LMOD1: variants seen among roughly 807,000 people sequenced by gnomAD.
The protein encoded by LMOD1 is leiomodin-1.
Under a neutral mutation model 36.5 loss-of-function variants are expected in LMOD1, and 8 were observed. The observed-to-expected ratio is 0.22, with a 90% CI of 0.13 to 0.40. The LOEUF (loss-of-function observed/expected upper bound fraction) is 0.40, where lower values mean the gene tolerates loss of function less well. Among genes scored for constraint, LMOD1 ranks in the 10% least tolerant of loss-of-function variants. The pLI is 1.00. For synonymous variants in LMOD1, 284 were observed against 288.7 expected, an observed-to-expected ratio of 0.98 and a Z score of 0.17; for missense variants, 630 against 751.1, an observed-to-expected ratio of 0.84 and a Z score of 1.88.
At chr1:201,938,798 C>CCGA (rs1314007874) in intron 1 of LMOD1, among the ~76,000 whole-genome samples, 1 of 152,148 alleles carries the variant, frequency 6.6e-6, no homozygotes, top group East Asian at 1.9e-4. Flanking sequence ...AAACAGCATC[C>CCGA]CGACAACCCG....
intron 1 of LMOD1, among the ~76,000 whole-genome samples, chr1:201,920,029 G>A (rs1042701122): frequency 3.0e-5 from 4 of 133,736 alleles, no homozygotes; most frequent in South Asian, 2.5e-4. Context: ...ATCTCCACCC[G>A]CCACTGGCTC....
intron 1 of LMOD1, among the ~76,000 whole-genome samples, chr1:201,921,575 C>T (rs545203746): frequency 4.0e-5 from 6 of 149,508 alleles, no homozygotes; most frequent in South Asian, 2.1e-4. Flanking sequence ...TTGGTGTATA[C>T]GTAGCAATGA....
At chr1:201,930,256 T>A (rs938393078) in intron 1 of LMOD1, among the ~76,000 whole-genome samples, 1 of 152,074 alleles carries the variant, frequency 6.6e-6, no homozygotes, top group Non-Finnish European at 1.5e-5. Context: ...AGGTCAACTG[T>A]GGGGAGGATG....
chr1:201,942,803 T>A (rs1366475390), intron 1 of LMOD1, among the ~76,000 whole-genome samples: 1 of 152,096 alleles, frequency 6.6e-6, no homozygotes, highest in Non-Finnish European at 1.5e-5. Context: ...GCCAATCTTG[T>A]TTCATCTATA....
intron 1 of LMOD1, among the ~76,000 whole-genome samples, chr1:201,929,380 C>G (rs901479422): frequency 1.3e-5 from 2 of 152,040 alleles, no homozygotes; most frequent in African/African-American, 4.8e-5. Context: ...CCACGCCTGG[C>G]AAGTGGAATT....
Position 201,946,220 on chromosome 1 carries a change from G to A in LMOD1, c.121C>T (p.Pro41Ser), listed in dbSNP as rs1427146755. The change falls in exon 1 of 3, where the codon CCA becomes TCA. Residue 41 changes from proline to serine, a missense_variant. Pro to Ser is a moderately conservative substitution (Grantham distance 74). Transcript: ENST00000367288. ...AGCCCCACGGGAACACTCCCGTCTG[G>A]GTCCACCACGTCCAGCTCCTTCTCC... ...ELEKELDVVD[P>S]DGSVPVGLRQ... The A allele has an allele frequency of 1.2e-6, 2 of 1,613,860 alleles. No homozygotes were observed. Among genetic ancestry groups the A allele is most frequent in the African/African-American group, 1.3e-5 (1 of 74,912 alleles).
chr1:201,913,386 A>G (rs1451327934), intron 1 of LMOD1, among the ~76,000 whole-genome samples: 1 of 152,138 alleles, frequency 6.6e-6, no homozygotes, highest in Non-Finnish European at 1.5e-5. Context: ...CGGGTGGATC[A>G]CTTGAGGTCA....
At chr1:201,927,604 A>C (rs1041126214) in intron 1 of LMOD1, among the ~76,000 whole-genome samples, 3 of 151,676 alleles carry the variant, frequency 2.0e-5, no homozygotes, top group African/African-American at 7.3e-5. Context: ...AAAAAAAAGA[A>C]GAATTTGTTA....
At chr1:201,944,993 A>G (rs1017509398) in intron 1 of LMOD1, among the ~76,000 whole-genome samples, 2 of 152,350 alleles carry the variant, frequency 1.3e-5, no homozygotes, top group Middle Eastern at 3.4e-3. Flanking sequence ...CCATAGAAGT[A>G]AAACAAAAAG....
intron 1 of LMOD1, among the ~76,000 whole-genome samples, chr1:201,913,305 C>T (rs1178032142): frequency 1.3e-5 from 2 of 152,294 alleles, no homozygotes; most frequent in South Asian, 2.1e-4. Flanking sequence ...TGGATCACCA[C>T]TCAGAAAGTG....
At chr1:201,938,425 G>A (rs535022584) in intron 1 of LMOD1, among the ~76,000 whole-genome samples, 27 of 152,226 alleles carry the variant, frequency 1.8e-4, no homozygotes, top group African/African-American at 6.0e-4. Flanking sequence ...CACCGCGCCC[G>A]GCCGTAATTT....
chr1:201,896,981 C>T lies in LMOD1; in HGVS notation c.*1391G>A, dbSNP rs747295807. 1.7e-4 allele frequency: 57 copies of T among 340,460 alleles called. No homozygotes were observed. Among genetic ancestry groups the T allele is most frequent in the Non-Finnish European group, 2.9e-4 (49 of 170,862 alleles). The allele number at this position is 340,460 out of a possible 1,614,324, so 21.1% of individuals were successfully genotyped here. On this transcript the variant is annotated 3_prime_UTR_variant, in exon 3 of 3. Transcript: ENST00000367288. Reference sequence around the variant, plus strand: ...AGAGAAACCTACAAGTGACACAGACCCAAGGTGGCAGTTCCACAGTGCCAA... The same window carrying T: ...AGAGAAACCTACAAGTGACACAGACTCAAGGTGGCAGTTCCACAGTGCCAA...
intron 1 of LMOD1, among the ~76,000 whole-genome samples, chr1:201,934,827 C>A (rs1681989028): frequency 6.6e-6 from 1 of 152,204 alleles, no homozygotes; most frequent in South Asian, 2.1e-4. Context: ...TTCTGGAAAT[C>A]CTTTCTCACC....
intron 1 of LMOD1, among the ~76,000 whole-genome samples, chr1:201,914,370 A>G (rs1355847509): frequency 1.3e-5 from 2 of 152,182 alleles, no homozygotes; most frequent in South Asian, 4.1e-4. Context: ...TCTTATGTCA[A>G]CATGGACAGG....
chr1:201,925,891 A>G (rs549738400), intron 1 of LMOD1, among the ~76,000 whole-genome samples: 1 of 151,742 alleles, frequency 6.6e-6, no homozygotes, highest in South Asian at 2.1e-4. Context: ...TCTTTTGGAG[A>G]GACTGGGGGG....
At chr1:201,907,994 G>A (rs901215959) in intron 1 of LMOD1, among the ~76,000 whole-genome samples, 1 of 152,110 alleles carries the variant, frequency 6.6e-6, no homozygotes, top group Non-Finnish European at 1.5e-5. Context: ...CCACCATAGA[G>A]CAGGCCTCCC....
intron 1 of LMOD1, among the ~76,000 whole-genome samples, chr1:201,937,339 T>C (rs1041989101): frequency 6.6e-6 from 1 of 151,640 alleles, no homozygotes; most frequent in African/African-American, 2.4e-5. Context: ...CCTAACTACT[T>C]GGGAGGCTGA....
chr1:201,942,907 C>A (rs1395196088), intron 1 of LMOD1, among the ~76,000 whole-genome samples: 1 of 152,028 alleles, frequency 6.6e-6, no homozygotes, highest in Non-Finnish European at 1.5e-5. Flanking sequence ...AGAAAAGAAT[C>A]CTTTAAAAAG....
chr1:201,911,657 C>A (rs2102914916), intron 1 of LMOD1, among the ~76,000 whole-genome samples: 1 of 152,130 alleles, frequency 6.6e-6, no homozygotes, highest in Admixed American at 6.5e-5. Context: ...GGAGTGAGAC[C>A]ACCCTGTCTT....
Sources: gnomAD v4.1 joint callset for allele counts (sites outside exome capture counted in the v4.1 genomes callset) on GRCh38, gnomAD v4.1.1 for gene constraint, MANE v1.5 for transcripts, NCBI Gene and HGNC (gene_info 2026-07-23, HGNC 2026-07-21) for gene names.